Variants in JMY observed in about 807,000 individuals in gnomAD.
The protein encoded by JMY is junction-mediating and -regulatory protein.
A neutral mutation model predicts 103.3 loss-of-function variants in JMY; 46 were observed. The ratio of observed to expected loss-of-function variants is 0.45; its 90% CI spans 0.35 to 0.57. JMY has a LOEUF of 0.57. Among genes scored for constraint, JMY ranks in the 20% least tolerant of loss-of-function variants. The pLI is 0.00. For missense variants in JMY, 1,238 were observed against 1,255.2 expected (o/e 0.99, Z 0.21); for synonymous variants, 526 against 489.3 (o/e 1.07, Z -0.99).
rs1187246100 is a variant in JMY, at chr5:79,324,852, AAC to A, written c.*3254_*3255del. The A allele has an allele frequency of 6.6e-6, 1 of 152,670 alleles. No homozygotes were observed. Among genetic ancestry groups the A allele is most frequent in the African/African-American group, 2.4e-5 (1 of 41,464 alleles). The allele number at this position is 152,670 out of a possible 1,614,324, so 9.5% of individuals were successfully genotyped here. On this transcript the variant is annotated 3_prime_UTR_variant, in exon 11 of 11. Coordinates refer to ENST00000396137, the MANE Select transcript of JMY (RefSeq NM_152405.5). ...AATAGAAATGTAGAGCTTTTCTCAT[AAC>A]ACAAAACCAGAAAATAATTTTCAGC...
At chr5:79,300,431 G>T (rs1191417545) in intron 5 of JMY, 113 bp downstream of exon 5, 2 of 1,082,754 alleles carry the variant, frequency 1.8e-6, no homozygotes, top group Non-Finnish European at 2.6e-6. Flanking sequence ...TTTTCTGTAG[G>T]GATAGAGTGT....
intron 6 of JMY, among the ~76,000 whole-genome samples, chr5:79,303,663 C>A (rs1170632617): frequency 6.6e-6 from 1 of 151,976 alleles, no homozygotes; most frequent in African/African-American, 2.4e-5. Context: ...AAAGGGTAAT[C>A]GAAGTTGGAA....
At chr5:79,265,257 A>G (rs1745552651) in intron 1 of JMY, among the ~76,000 whole-genome samples, 1 of 152,204 alleles carries the variant, frequency 6.6e-6, no homozygotes. Flanking sequence ...AAAATGTTAT[A>G]TGTTTTAATT....
intron 2 of JMY, chr5:79,284,975 G>T: frequency 1.8e-6 from 2 of 1,106,032 alleles, no homozygotes; most frequent in Non-Finnish European, 1.3e-6. Flanking sequence ...AAATGAAGTT[G>T]AAACTAGACG....
Position 79,323,814 on chromosome 5 carries a change from G to A in JMY, c.*2212G>A, listed in dbSNP as rs924740246. ...CTTCCAGAGTGTGCTGTAATCATAA[G>A]TCTCTAGCAAAGAGTGGAGGGTGGA... On this transcript the variant is annotated 3_prime_UTR_variant, in exon 11 of 11. Coordinates refer to ENST00000396137, the MANE Select transcript of JMY (RefSeq NM_152405.5). The A allele has an allele frequency of 1.6e-4, 24 of 152,238 alleles. No individual in the cohort carries two copies. The highest frequency in any genetic ancestry group is 2.6e-4 in the Admixed American group (4 of 15,296). 9.4% of individuals were successfully genotyped at this position (152,238 alleles called of 1,614,324 possible). A position where few individuals can be genotyped will look rare whatever the true frequency, so the allele number is the denominator to read the frequency against.
chr5:79,323,068 T>G lies in JMY; in HGVS notation c.*1466T>G, dbSNP rs569152992. ...CAACAGGTTATGTAAGACAACAACT[T>G]TTTTTATTATTTCAAAACAAAACAG... On this transcript the variant is annotated 3_prime_UTR_variant, in exon 11 of 11. Coordinates refer to ENST00000396137, the MANE Select transcript of JMY (RefSeq NM_152405.5). 1 of 152,258 alleles carries G rather than the reference T, an allele frequency of 6.6e-6. No individual in the cohort carries two copies. Among genetic ancestry groups the G allele is most frequent in the South Asian group, 2.1e-4 (1 of 4,822 alleles). The allele number at this position is 152,258 out of a possible 1,614,324, so 9.4% of individuals were successfully genotyped here. A position where few individuals can be genotyped will look rare whatever the true frequency, so the allele number is the denominator to read the frequency against.
intron 8 of JMY, 35 bp downstream of exon 8, chr5:79,312,533 T>A: frequency 2.4e-5 from 5 of 209,618 alleles, no homozygotes; most frequent in Non-Finnish European, 3.2e-5. Flanking sequence ...TTGTTTTTCT[T>A]TTTTTTTTTT....
chr5:79,300,210 G>C lies in JMY; in HGVS notation c.1585G>C (p.Asp529His), dbSNP rs753257439. The stretch of plus-strand genomic sequence containing the variant: ...AGCACGATTGGATCAGTTAGAAGCT[G>C]ATTATTATGATCTGCAACTTCAGTT... ...AIARLDQLEA[D>H]YYDLQLQLYE... is the part of the protein sequence containing the mutation. Residue 529 changes from aspartate to histidine, a missense_variant, in exon 5 of 11, where the codon GAT becomes CAT. Asp to His is a moderately conservative substitution (Grantham distance 81). Coordinates refer to ENST00000396137, the MANE Select transcript of JMY (RefSeq NM_152405.5). The C allele has an allele frequency of 6.2e-7, 1 of 1,611,570 alleles. No homozygotes were observed. The highest frequency in any genetic ancestry group is 8.5e-7 in the Non-Finnish European group (1 of 1,178,910).
Position 79,267,967 on chromosome 5 carries a change from T to C in JMY, c.1033-9943T>C, listed in dbSNP as rs75726424. On this transcript the variant is annotated intron_variant, in intron 1 of 10. Transcript: ENST00000396137. The stretch of plus-strand genomic sequence containing the variant: ...TTTGTAAGAAACTGTCAGAGTGGGC[T>C]GGACATAGTGGCCCATGCCTGTAAT... Among the ~76,000 whole-genome samples the C allele has an allele frequency of 5.2e-3, 789 of 152,328 alleles. 7 individuals carry two copies. The highest frequency in any genetic ancestry group is 0.019 in the African/African-American group (776 of 41,570).
chr5:79,300,448 G>A (rs1044016466), intron 5 of JMY, 130 bp downstream of exon 5: 1 of 886,488 alleles, frequency 1.1e-6, no homozygotes, highest in Non-Finnish European at 1.7e-6. Flanking sequence ...GTGTGGGGGG[G>A]TGATTTCTAG....
intron 1 of JMY, among the ~76,000 whole-genome samples, chr5:79,243,451 TATA>T (rs752621545): frequency 9.2e-5 from 14 of 152,094 alleles, no homozygotes; most frequent in Non-Finnish European, 1.5e-5. Flanking sequence ...TAGGGAAGGA[TATA>T]ATATGATTCC....
chr5:79,277,218 T>C (rs1454283584), intron 1 of JMY, among the ~76,000 whole-genome samples: 1 of 152,200 alleles, frequency 6.6e-6, no homozygotes, highest in Non-Finnish European at 1.5e-5. Flanking sequence ...TGTTTTTGTA[T>C]GTCCAGCTCG....
chr5:79,284,416 C>T (rs1292941547), intron 2 of JMY: 15 of 1,449,856 alleles, frequency 1.0e-5, no homozygotes, highest in African/African-American at 1.4e-5. Flanking sequence ...TCATGATTTC[C>T]ATCATCTTCT....
At chr5:79,287,510 G>A (rs185126660) in intron 2 of JMY, among the ~76,000 whole-genome samples, 23 of 152,290 alleles carry the variant, frequency 1.5e-4, no homozygotes, top group African/African-American at 5.1e-4. Flanking sequence ...GCTGGGCATG[G>A]TGGTGTGCAC....
intron 2 of JMY, among the ~76,000 whole-genome samples, chr5:79,279,838 TTTTTG>T (rs555739928): frequency 6.6e-6 from 1 of 152,194 alleles, no homozygotes; most frequent in East Asian, 1.9e-4. Context: ...TTCCTGGTTT[TTTTTG>T]TTTTGTTTTG....
intron 10 of JMY, among the ~76,000 whole-genome samples, chr5:79,316,766 C>T (rs7701996): frequency 0.056 from 8,468 of 151,656 alleles, 534 homozygotes; most frequent in African/African-American, 0.15. Flanking sequence ...ATTAGCCGGG[C>T]GTGGTGGCGG....
In JMY at chr5:79,325,278, T is replaced by C. The variant is rs1380585089; in HGVS notation, c.*3676T>C. The C allele has an allele frequency of 6.6e-6, 1 of 152,168 alleles. No homozygotes were observed. The highest frequency in any genetic ancestry group is 6.5e-5 in the Admixed American group (1 of 15,278). The allele number at this position is 152,168 out of a possible 1,614,324, so 9.4% of individuals were successfully genotyped here. A position where few individuals can be genotyped will look rare whatever the true frequency, so the allele number is the denominator to read the frequency against. ...GAAGTATTACAAACTTAACATCAGA[T>C]ACCAATGTGTAAAAAGTACTATTGG... On this transcript the variant is annotated 3_prime_UTR_variant, in exon 11 of 11. Coordinates refer to ENST00000396137, the MANE Select transcript of JMY (RefSeq NM_152405.5).
In JMY at chr5:79,323,945, G is replaced by T. The variant is rs756304119; in HGVS notation, c.*2343G>T. On this transcript the variant is annotated 3_prime_UTR_variant, in exon 11 of 11. Transcript: ENST00000396137. ...CACCTCACACTTGGAAAAGAAGGAG[G>T]TTAAAGCAGAGTATTGTTGGCAGCC... 3.3e-5 allele frequency: 5 copies of T among 152,272 alleles called. No homozygotes were observed. The highest frequency in any genetic ancestry group is 6.8e-3 in the Middle Eastern group (2 of 296). The allele number at this position is 152,272 out of a possible 1,614,324, so 9.4% of individuals were successfully genotyped here.
intron 1 of JMY, among the ~76,000 whole-genome samples, chr5:79,247,377 A>G (rs893875514): frequency 1.6e-4 from 25 of 151,988 alleles, no homozygotes; most frequent in Non-Finnish European, 4.4e-5. Flanking sequence ...ATCTCGGTTC[A>G]CTGCAACCTC....
Sources: gnomAD v4.1 joint callset for allele counts (sites outside exome capture counted in the v4.1 genomes callset) on GRCh38, gnomAD v4.1.1 for gene constraint, MANE v1.5 for transcripts, NCBI Gene and HGNC (gene_info 2026-07-23, HGNC 2026-07-21) for gene names.